NFIB: variants seen among roughly 807,000 people sequenced by gnomAD.
NFIB encodes nuclear factor 1 B-type.
A neutral mutation model predicts 61.5 loss-of-function variants in NFIB; 11 were observed. That is an observed-to-expected ratio of 0.18 (90% confidence interval 0.11 to 0.30). The LOEUF (loss-of-function observed/expected upper bound fraction) is 0.30. NFIB is among the 10% of genes least tolerant of loss of function. NFIB has a pLI of 1.00. For synonymous variants in NFIB, 260 were observed against 216.5 expected (o/e 1.20, Z -1.76); for missense variants, 471 against 608.9 (o/e 0.77, Z 2.38).
chr9:14,166,130 A>G (rs977333572), intron 3 of NFIB, among the ~76,000 whole-genome samples: 1 of 152,220 alleles, frequency 6.6e-6, no homozygotes, highest in Non-Finnish European at 1.5e-5. Context: ...CATCTTATTT[A>G]TAACAATTAC....
At chr9:14,409,758 A>G in the NFIB span, among the ~76,000 whole-genome samples, 1 of 152,250 alleles carries the variant, frequency 6.6e-6, no homozygotes, top group Non-Finnish European at 1.5e-5. Context: ...AAAAGAACTT[A>G]TATCTCAAGA....
At chr9:14,485,932 T>C in the NFIB span, among the ~76,000 whole-genome samples, 7 of 152,008 alleles carry the variant, frequency 4.6e-5, no homozygotes, top group African/African-American at 1.5e-4. Flanking sequence ...ACACAGTCCC[T>C]GTCCTTACAA....
At chr9:14,391,878 G>C (rs868345010) in intron 1 of NFIB, among the ~76,000 whole-genome samples, 12 of 152,042 alleles carry the variant, frequency 7.9e-5, no homozygotes, top group Non-Finnish European at 1.6e-4. Context: ...TTGAATAAAC[G>C]TTTACTCACT....
chr9:14,160,179 G>GCAAT (rs1444550056), intron 3 of NFIB, among the ~76,000 whole-genome samples: 1 of 152,044 alleles, frequency 6.6e-6, no homozygotes, highest in East Asian at 1.9e-4. Context: ...AGTCTCAAAG[G>GCAAT]CAATATCAAA....
the NFIB span, among the ~76,000 whole-genome samples, chr9:14,455,204 T>C: frequency 1.3e-5 from 2 of 152,200 alleles, no homozygotes; most frequent in African/African-American, 4.8e-5. Flanking sequence ...CATATGCAGG[T>C]GCAAAGTAGT....
At chr9:14,269,361 A>C (rs1038718765) in intron 2 of NFIB, among the ~76,000 whole-genome samples, 1 of 152,144 alleles carries the variant, frequency 6.6e-6, no homozygotes, top group Non-Finnish European at 1.5e-5. Flanking sequence ...TATTTGATGA[A>C]GGTTCTAAGT....
At chr9:14,436,989 C>T in the NFIB span, among the ~76,000 whole-genome samples, 3 of 152,100 alleles carry the variant, frequency 2.0e-5, no homozygotes, top group Non-Finnish European at 2.9e-5. Context: ...GAAGGCATTA[C>T]GAGAGAGAGG....
chr9:14,338,497 A>G (rs1156717035), intron 1 of NFIB, among the ~76,000 whole-genome samples: 3 of 152,222 alleles, frequency 2.0e-5, no homozygotes, highest in East Asian at 1.9e-4. Context: ...TTTGCAATCT[A>G]TCAGCTGTGT....
chr9:14,409,151 C>T, the NFIB span, among the ~76,000 whole-genome samples: 2,442 of 152,068 alleles, frequency 0.016, 64 homozygotes, highest in African/African-American at 0.055. Flanking sequence ...TAAATAACCT[C>T]GAGAACATGA....
intron 2 of NFIB, among the ~76,000 whole-genome samples, chr9:14,273,670 G>T (rs1270753463): frequency 6.6e-6 from 1 of 152,120 alleles, no homozygotes; most frequent in Non-Finnish European, 1.5e-5. Context: ...AATTCTAAAG[G>T]CATGCCAGAA....
At chr9:14,478,324 C>T in the NFIB span, among the ~76,000 whole-genome samples, 3 of 152,160 alleles carry the variant, frequency 2.0e-5, no homozygotes, top group Non-Finnish European at 4.4e-5. Context: ...TCAGATGCTG[C>T]TAGCCCCTCA....
chr9:14,418,729 A>G, the NFIB span, among the ~76,000 whole-genome samples: 740 of 152,312 alleles, frequency 4.9e-3, 2 homozygotes, highest in Middle Eastern at 0.014. Context: ...CATTTCAATA[A>G]AATTCCCATA....
At chr9:14,336,290 A>T (rs2060885280) in intron 1 of NFIB, among the ~76,000 whole-genome samples, 1 of 152,226 alleles carries the variant, frequency 6.6e-6, no homozygotes, top group South Asian at 2.1e-4. Flanking sequence ...AGTCATTTTT[A>T]TTCAAAGATA....
chr9:14,496,535 G>C, the NFIB span, among the ~76,000 whole-genome samples: 1 of 152,168 alleles, frequency 6.6e-6, no homozygotes, highest in Non-Finnish European at 1.5e-5. Context: ...GAACCTACAA[G>C]AGCCTCATCT....
At position 14,360,611 on chromosome 9, in the gene NFIB, C is replaced by T. The variant is rs1370189187; in HGVS notation, c.108+37913G>A. On this transcript the variant is annotated intron_variant, in intron 1 of 8. Coordinates refer to the NFIB transcript ENST00000380934. ...CCAGGCTGGAGTGCAGTGGCGCGAT[C>T]TCGGCTCACTGCAAGCTCCGCCTCC... Among the ~76,000 whole-genome samples, 5 of 150,242 alleles carry T rather than the reference C, an allele frequency of 3.3e-5. No homozygotes were observed. The East Asian group carries it at 7.8e-4, about 23-fold the overall frequency.
intron 6 of NFIB, 65 bp downstream of exon 6, chr9:14,146,624 A>G: frequency 1.9e-6 from 3 of 1,609,252 alleles, no homozygotes; most frequent in African/African-American, 1.3e-5. Flanking sequence ...TTTTGACTCA[A>G]CGAAACTTAA....
In NFIB at chr9:14,082,658, C is replaced by T. The variant is rs942685814; in HGVS notation, c.*5651G>A. On this transcript the variant is annotated 3_prime_UTR_variant, in exon 11 of 11. Transcript: ENST00000380953. The stretch of plus-strand genomic sequence containing the variant: ...TCATTTGTTTGAGTTTTTTGGTAAA[C>T]ATTTTGCTGGTTTTTTTTTTTTGTT... 1.2e-4 allele frequency: 23 copies of T among 193,874 alleles called. No individual in the cohort carries two copies. The highest frequency in any genetic ancestry group is 5.5e-4 in the African/African-American group (23 of 41,666). 12.0% of individuals were successfully genotyped at this position (193,874 alleles called of 1,614,324 possible).
At chr9:14,345,132 C>G (rs1162887149) in intron 1 of NFIB, among the ~76,000 whole-genome samples, 1 of 152,078 alleles carries the variant, frequency 6.6e-6, no homozygotes, top group Admixed American at 6.6e-5. Context: ...CGGAAGTGAG[C>G]GTGTTGAAGG....
the NFIB span, among the ~76,000 whole-genome samples, chr9:14,459,192 G>A: frequency 1.3e-5 from 2 of 152,134 alleles, no homozygotes; most frequent in African/African-American, 4.8e-5. Context: ...GAACAGAACA[G>A]AGCCCTCAGA....
Sources: allele counts gnomAD v4.1 joint callset (sites outside exome capture counted in the v4.1 genomes callset), GRCh38; gene constraint gnomAD v4.1.1; transcripts MANE v1.5; gene names NCBI Gene and HGNC (gene_info 2026-07-23, HGNC 2026-07-21).